The following KIR2DL3 variants were observed in gnomAD, a reference collection of about 807,000 sequenced individuals.
The protein encoded by KIR2DL3 is killer cell immunoglobulin like receptor, two Ig domains and long cytoplasmic tail 3.
A neutral mutation model predicts 33.8 loss-of-function variants in KIR2DL3; 39 were observed. The observed-to-expected ratio is 1.15, with a 90% CI of 0.89 to 1.51. KIR2DL3 has a LOEUF of 1.51. Among genes scored for constraint, KIR2DL3 ranks in the 40% most tolerant of loss-of-function variants. The pLI is 0.00. For synonymous variants in KIR2DL3, 174 were observed against 160.2 expected (o/e 1.09, Z -0.65); for missense variants, 462 against 426.2 (o/e 1.08, Z -0.74).
rs1344361340 is a variant in KIR2DL3, at chr19:54,744,138, C to T, written c.664+50C>T. 4.4e-6 allele frequency: 7 copies of T among 1,606,410 alleles called. No homozygotes were observed. The African/African-American group carries it at 9.4e-5, about 22-fold the overall frequency. ...ATGTCCTATGATCCTAGAGCCTTAG[C>T]TGAGGAGCTTCCTGCTGATGATGGA... On this transcript the variant is annotated intron_variant, in intron 4 of 7. Coordinates refer to ENST00000342376, the MANE Select transcript of KIR2DL3 (RefSeq NM_015868.3).
At chr19:54,744,921 CATATATATATATATATAT>C (rs1177112432) in intron 4 of KIR2DL3, among the ~76,000 whole-genome samples, 2 of 25,276 alleles carry the variant, frequency 7.9e-5, no homozygotes, top group Non-Finnish European at 1.5e-4. Context: ...CATATATAAA[CATATATATATATATATAT>C]ATATATATAT....
chr19:54,741,707 T>G (rs59238008), intron 2 of KIR2DL3, among the ~76,000 whole-genome samples: 54,286 of 147,898 alleles, frequency 0.37, 10,588 homozygotes, highest in African/African-American at 0.46. Context: ...CAGCAGGAAA[T>G]ACATTAGTGT....
rs765329975 is a variant in KIR2DL3 at position 54,739,483 on chromosome 19, G to A, written c.35-24G>A. The A allele has an allele frequency of 5.9e-5, 96 of 1,613,820 alleles. No individual in the cohort carries two copies. In the East Asian group the frequency reaches 1.8e-3, roughly 31 times the overall value. ...GGCCTGGTTTGCCTGCAGATGGATG[G>A]TCCATCATGATCTTTCTTTCCAGGG... is the stretch of plus-strand genomic sequence containing the variant. On this transcript the variant is annotated intron_variant, in intron 1 of 7. Coordinates refer to ENST00000342376, the MANE Select transcript of KIR2DL3 (RefSeq NM_015868.3).
Position 54,742,115 on chromosome 19 carries a change from C to T in KIR2DL3, c.206C>T (p.Thr69Ile). The T allele has an allele frequency of 6.2e-7, 1 of 1,613,978 alleles. No homozygotes were observed. ...CACAGAGAAGGGAAGTTTAAGGACA[C>T]TTTGCACCTCATTGGAGAGCACCAT... ...LLHREGKFKD[T>I]LHLIGEHHDG... Residue 69 changes from threonine to isoleucine, a missense_variant, in exon 3 of 8, where the codon ACT becomes ATT. Transcript: ENST00000342376.
chr19:54,749,417 G>T (rs1378049625), intron 5 of KIR2DL3, among the ~76,000 whole-genome samples: 1 of 129,214 alleles, frequency 7.7e-6, no homozygotes, highest in Non-Finnish European at 1.8e-5. Context: ...GAAGTAGATG[G>T]ATATAAGATA....
At chr19:54,746,757 T>C (rs2072555639) in intron 4 of KIR2DL3, among the ~76,000 whole-genome samples, 1 of 149,738 alleles carries the variant, frequency 6.7e-6, no homozygotes, top group Admixed American at 6.8e-5. Context: ...CCAAGGCGGG[T>C]GGATCACCTG....
At chr19:54,748,277 T>C (rs1349244064) in intron 5 of KIR2DL3, among the ~76,000 whole-genome samples, 1 of 151,804 alleles carries the variant, frequency 6.6e-6, no homozygotes, top group African/African-American at 2.4e-5. Flanking sequence ...GGGGATTCTA[T>C]TGGGTTCACC....
Position 54,752,657 on chromosome 19 carries a change from C to T in KIR2DL3, c.*138C>T. On this transcript the variant is annotated 3_prime_UTR_variant, in exon 8 of 8. Coordinates refer to ENST00000342376, the MANE Select transcript of KIR2DL3 (RefSeq NM_015868.3). ...GGAATCTGAAGGCGTGAGTCTGCATCTTAGGGCATCGCTCTTCCTCACACC... is the reference window on the plus strand; with the variant it reads ...GGAATCTGAAGGCGTGAGTCTGCATTTTAGGGCATCGCTCTTCCTCACACC... The T allele has an allele frequency of 1.7e-6, 2 of 1,179,690 alleles. 1 individual carries two copies. Among genetic ancestry groups the T allele is most frequent in the Non-Finnish European group, 2.4e-6 (2 of 824,102 alleles). The allele number at this position is 1,179,690 out of a possible 1,614,324, so 73.1% of individuals were successfully genotyped here.
chr19:54,751,457 A>G lies in KIR2DL3; in HGVS notation c.716-192A>G, dbSNP rs192807071. On this transcript the variant is annotated intron_variant, in intron 5 of 7. Transcript: ENST00000342376. ...CAAACATCTCAACTAAAGTAGTTGTATCCTCAACACGTTCTATGGTTACTA... is the reference window on the plus strand; with the variant it reads ...CAAACATCTCAACTAAAGTAGTTGTGTCCTCAACACGTTCTATGGTTACTA... Among the ~76,000 whole-genome samples, 580 of 133,374 alleles carry G rather than the reference A, an allele frequency of 4.3e-3. 123 individuals carry two copies. The highest frequency in any genetic ancestry group is 0.016 in the African/African-American group (559 of 35,190). 87.5% of individuals were successfully genotyped at this position (133,374 alleles called of 152,430 possible).
At chr19:54,739,441 G>C in intron 1 of KIR2DL3, 66 bp from the exon 2 acceptor site, 2 of 1,612,032 alleles carry the variant, frequency 1.2e-6, no homozygotes, top group African/African-American at 1.3e-5. Context: ...TCACAGCCCA[G>C]TGGGGGCAGC....
At chr19:54,738,708 GGGCCT>G in intron 1 of KIR2DL3, 129 bp downstream of exon 1, 2 of 785,704 alleles carry the variant, frequency 2.5e-6, no homozygotes, top group African/African-American at 2.4e-5. Flanking sequence ...GTGGAGATCT[GGGCCT>G]GGAGTGGAGA....
rs1256286696 is a variant in KIR2DL3, at chr19:54,747,270, AG to A, written c.665-64del. ...AGTGTTGGCCATGAACCAACCTCAA[AG>A]ATTTCCATTGAGTAGAGGACAGACA... On this transcript the variant is annotated intron_variant, in intron 4 of 7. Transcript: ENST00000342376. 14 of 1,590,364 alleles carry A rather than the reference AG, an allele frequency of 8.8e-6. No homozygotes were observed. The African/African-American group carries it at 1.9e-4, about 22-fold the overall frequency.
chr19:54,740,497 C>A (rs1187285623), intron 2 of KIR2DL3, among the ~76,000 whole-genome samples: 2 of 151,694 alleles, frequency 1.3e-5, no homozygotes, highest in African/African-American at 4.9e-5. Flanking sequence ...TTCACACACA[C>A]ACTCCCCCAG....
chr19:54,744,063 T>A lies in KIR2DL3; in HGVS notation c.639T>A (p.Ser213Arg). Residue 213 changes from serine to arginine, a missense_variant, in exon 4 of 8, where the codon AGT (serine) becomes AGA (arginine). Coordinates refer to ENST00000342376, the MANE Select transcript of KIR2DL3 (RefSeq NM_015868.3). ...CTCCATACGAGTGGTCAAACTCGAG[T>A]GACCCACTGCTTGTTTCTGTCACAG... ...RDSPYEWSNS[S>R]DPLLVSVTGN... 3 of 1,614,204 alleles carry A rather than the reference T, an allele frequency of 1.9e-6. No homozygotes were observed. The South Asian group carries it at 3.3e-5, about 18-fold the overall frequency.
rs1215740880 is a variant in KIR2DL3 at position 54,742,188 on chromosome 19, C to T, written c.279C>T (p.Asp93=). ...ANFSIGPMMQ[D]LAGTYRCYGS... ...TCTCCATCGGTCCCATGATGCAAGA[C>T]CTTGCAGGGACCTACAGATGCTACG... The change falls in exon 3 of 8, where the codon GAC becomes GAT. Residue 93 remains aspartate, a synonymous_variant. Transcript: ENST00000342376. The T allele has an allele frequency of 1.2e-6, 2 of 1,614,166 alleles. No homozygotes were observed. Among genetic ancestry groups the T allele is most frequent in the Non-Finnish European group, 1.7e-6 (2 of 1,180,032 alleles).
At chr19:54,739,278 G>T (rs1163822941) in intron 1 of KIR2DL3, among the ~76,000 whole-genome samples, 1 of 151,632 alleles carries the variant, frequency 6.6e-6, no homozygotes, top group African/African-American at 2.4e-5. Context: ...GGCCTAGGGT[G>T]GAAATATCAG....
chr19:54,738,844 G>C (rs1237274446), intron 1 of KIR2DL3, among the ~76,000 whole-genome samples: 1 of 149,580 alleles, frequency 6.7e-6, no homozygotes, highest in Non-Finnish European at 1.5e-5. Flanking sequence ...ATGGAGATAT[G>C]GGCCTGCAGT....
chr19:54,741,054 T>G (rs1287234535), intron 2 of KIR2DL3, among the ~76,000 whole-genome samples: 1 of 147,714 alleles, frequency 6.8e-6, no homozygotes, highest in Non-Finnish European at 1.5e-5. Context: ...AAAAATAGGG[T>G]CCAATTTCTG....
Position 54,744,017 on chromosome 19 carries a change from G to A in KIR2DL3, c.593G>A (p.Cys198Tyr). Residue 198 changes from cysteine to tyrosine, a missense_variant, in exon 4 of 8, where the codon TGC becomes TAC. Transcript: ENST00000342376. ...GPATHGGTYR[C>Y]FGSFRDSPYE... ...GCCACCCACGGAGGAACCTACAGAT[G>A]CTTCGGCTCTTTCCGTGACTCTCCA... 6.8e-6 allele frequency: 11 copies of A among 1,614,244 alleles called. No homozygotes were observed. The highest frequency in any genetic ancestry group is 1.3e-5 in the African/African-American group (1 of 75,056).
Sources: gnomAD v4.1 joint callset for allele counts (sites outside exome capture counted in the v4.1 genomes callset) on GRCh38, gnomAD v4.1.1 for gene constraint, MANE v1.5 for transcripts, NCBI Gene and HGNC (gene_info 2026-07-23, HGNC 2026-07-21) for gene names.